The following CDH18 variants were observed in gnomAD, a reference collection of about 807,000 sequenced individuals.
CDH18 encodes cadherin-18.
Under a neutral mutation model 67.9 loss-of-function variants are expected in CDH18, and 31 were observed. The ratio of observed to expected loss-of-function variants is 0.46; its 90% CI spans 0.34 to 0.62. The LOEUF (loss-of-function observed/expected upper bound fraction) is 0.62, where lower values mean the gene tolerates loss of function less well. CDH18 is among the 20% of genes least tolerant of loss of function. The probability of loss-of-function intolerance (pLI) is 0.01; values close to 1 mark genes in which losing one functional copy is unlikely to be tolerated. For missense variants in CDH18, 890 were observed against 975.5 expected, an observed-to-expected ratio of 0.91 and a Z score of 1.17; for synonymous variants, 362 against 347.2, an observed-to-expected ratio of 1.04 and a Z score of -0.48.
At chr5:19,928,284 T>G (rs934264631) in intron 2 of CDH18, among the ~76,000 whole-genome samples, 1 of 152,194 alleles carries the variant, frequency 6.6e-6, no homozygotes, top group African/African-American at 2.4e-5. Context: ...ATGTTATTTG[T>G]ATTTTCGGTA....
At chr5:20,474,052 T>C in intron 1 of CDH18, among the ~76,000 whole-genome samples, 1 of 152,160 alleles carries the variant, frequency 6.6e-6, no homozygotes, top group Non-Finnish European at 1.5e-5. Context: ...TATTTTATGT[T>C]CTTCTTAGTA....
chr5:19,911,166 G>C (rs141726898), intron 2 of CDH18, among the ~76,000 whole-genome samples: 1 of 152,248 alleles, frequency 6.6e-6, no homozygotes, highest in Non-Finnish European at 1.5e-5. Flanking sequence ...GTGTCAGCCT[G>C]ACTGTCTATT....
chr5:19,803,442 C>T (rs1777675160), intron 3 of CDH18, among the ~76,000 whole-genome samples: 1 of 152,174 alleles, frequency 6.6e-6, no homozygotes. Context: ...CATTCAGCCT[C>T]TCAGTTGCAC....
intron 2 of CDH18, among the ~76,000 whole-genome samples, chr5:20,165,084 T>G (rs1174821627): frequency 6.6e-6 from 1 of 152,108 alleles, no homozygotes; most frequent in East Asian, 1.9e-4. Flanking sequence ...CCATTTTAGA[T>G]AGGTGCATTG....
intron 5 of CDH18, among the ~76,000 whole-genome samples, chr5:19,665,239 C>A (rs1347130796): frequency 1.3e-5 from 2 of 151,908 alleles, no homozygotes; most frequent in Non-Finnish European, 2.9e-5. Context: ...TTATTAGACT[C>A]ATTTGACCTA....
At chr5:19,614,187 T>C (rs951520996) in intron 5 of CDH18, among the ~76,000 whole-genome samples, 2 of 151,898 alleles carry the variant, frequency 1.3e-5, no homozygotes, top group Non-Finnish European at 1.5e-5. Context: ...ATTTTGAATA[T>C]AAAAAAGTAA....
At chr5:20,541,202 G>T (rs1342543606) in intron 1 of CDH18, among the ~76,000 whole-genome samples, 1 of 152,076 alleles carries the variant, frequency 6.6e-6, no homozygotes, top group African/African-American at 2.4e-5. Context: ...AAATTATTGT[G>T]GCTGTGAGTT....
intron 2 of CDH18, among the ~76,000 whole-genome samples, chr5:20,141,688 G>C (rs1469463768): frequency 2.6e-5 from 4 of 152,070 alleles, no homozygotes; most frequent in Non-Finnish European, 5.9e-5. Flanking sequence ...GCAGCAAAGG[G>C]TTTATTGGGT....
chr5:20,214,079 C>G (rs1740570073), intron 2 of CDH18, among the ~76,000 whole-genome samples: 1 of 151,900 alleles, frequency 6.6e-6, no homozygotes, highest in Non-Finnish European at 1.5e-5. Flanking sequence ...GAATGCAATC[C>G]CATTCACAAT....
intron 1 of CDH18, among the ~76,000 whole-genome samples, chr5:20,415,228 T>C (rs1048347907): frequency 2.6e-5 from 4 of 151,162 alleles, no homozygotes; most frequent in Non-Finnish European, 5.9e-5. Context: ...TCTACTAAAA[T>C]ACAAAAAAAT....
At chr5:20,489,409 T>G (rs190122663) in intron 1 of CDH18, among the ~76,000 whole-genome samples, 232 of 152,202 alleles carry the variant, frequency 1.5e-3, no homozygotes, top group African/African-American at 5.5e-3. Context: ...GATAATGAAC[T>G]ATGTAACTTC....
At chr5:19,618,473 T>A (rs1750187271) in intron 5 of CDH18, among the ~76,000 whole-genome samples, 1 of 152,182 alleles carries the variant, frequency 6.6e-6, no homozygotes. Flanking sequence ...CCCGAAGTGC[T>A]GGGATTACAG....
At chr5:19,976,923 T>C (rs1798560835) in intron 2 of CDH18, among the ~76,000 whole-genome samples, 1 of 152,144 alleles carries the variant, frequency 6.6e-6, no homozygotes, top group African/African-American at 2.4e-5. Flanking sequence ...TAGTATGGAT[T>C]AAATAACACT....
chr5:19,723,759 G>A (rs1293214988), intron 4 of CDH18, among the ~76,000 whole-genome samples: 19 of 151,692 alleles, frequency 1.3e-4, no homozygotes, highest in Admixed American at 1.2e-3. Context: ...TGTTGCCCTG[G>A]CTGGAGTACA....
rs757076706 is a variant in CDH18 at position 19,747,171 on chromosome 5, C to T, written c.294G>A (p.Gly98=). 1 of 1,613,934 alleles carries T rather than the reference C, an allele frequency of 6.2e-7. No individual in the cohort carries two copies. Among genetic ancestry groups the T allele is most frequent in the South Asian group, 1.1e-5 (1 of 91,070 alleles). The stretch of plus-strand genomic sequence containing the variant: ...TGGTATCGTCAATGATAAATATAGT[C>T]CCAGCACCCTCTCCAGTAAGGATGT... ...VKYILTGEGA[G]TIFIIDDTTG... The change falls in exon 4 of 13, where the codon GGG becomes GGA. Residue 98 remains glycine (G), a synonymous_variant. Coordinates refer to ENST00000382275, the MANE Select transcript of CDH18 (RefSeq NM_004934.5).
intron 1 of CDH18, among the ~76,000 whole-genome samples, chr5:20,372,272 T>C (rs1468217093): frequency 2.0e-5 from 3 of 152,220 alleles, no homozygotes; most frequent in Non-Finnish European, 4.4e-5. Flanking sequence ...TAATATTTGA[T>C]ACATGTATAC....
At chr5:20,471,182 G>A (rs1581062198) in intron 1 of CDH18, among the ~76,000 whole-genome samples, 1 of 152,132 alleles carries the variant, frequency 6.6e-6, no homozygotes, top group Non-Finnish European at 1.5e-5. Flanking sequence ...TTCTCAGAAT[G>A]TATGTATTTT....
intron 2 of CDH18, among the ~76,000 whole-genome samples, chr5:20,056,469 C>CTTTTTTTTTT (rs1580139083): frequency 5.9e-5 from 1 of 16,984 alleles, no homozygotes; most frequent in Non-Finnish European, 1.4e-4. Flanking sequence ...TCTTTATTTT[C>CTTTTTTTTTT]TTTCTTTTGT....
intron 1 of CDH18, among the ~76,000 whole-genome samples, chr5:20,341,853 T>C (rs4466172): frequency 0.021 from 3,144 of 152,168 alleles, 81 homozygotes; most frequent in African/African-American, 0.053. Flanking sequence ...CCTGATTCAC[T>C]GATCATGAGA....
Sources: gnomAD v4.1 joint callset for allele counts (sites outside exome capture counted in the v4.1 genomes callset) on GRCh38, gnomAD v4.1.1 for gene constraint, MANE v1.5 for transcripts, NCBI Gene and HGNC (gene_info 2026-07-23, HGNC 2026-07-21) for gene names.